GRAP2: variants seen among roughly 807,000 people sequenced by gnomAD.
GRAP2 encodes the protein GRB2-related adapter protein 2.
A neutral mutation model predicts 43.5 loss-of-function variants in GRAP2; 31 were observed. The observed-to-expected ratio is 0.71, with a 90% CI of 0.54 to 0.96. GRAP2 has a LOEUF of 0.96. GRAP2 is among the 40% of genes least tolerant of loss of function. The probability of loss-of-function intolerance (pLI) is 0.00; values close to 1 mark genes in which losing one functional copy is unlikely to be tolerated. For missense variants in GRAP2, 371 were observed against 424.4 expected (o/e 0.87, Z 1.11); for synonymous variants, 156 against 164.8 (o/e 0.95, Z 0.41).
At chr22:39,896,513 G>C (rs1213402448), upstream of GRAP2, among the ~76,000 whole-genome samples, 2 of 152,206 alleles carry the variant, frequency 1.3e-5, no homozygotes, top group East Asian at 3.8e-4. Flanking sequence ...CTGAGCAACA[G>C]GTGGGAGATG....
chr22:39,964,778 A>G (rs1187274223), intron 4 of GRAP2: 2 of 432,490 alleles, frequency 4.6e-6, no homozygotes, highest in East Asian at 3.7e-5. Flanking sequence ...TCACTAAGTC[A>G]TTCCTACCAT....
chr22:39,937,296 T>G (rs950153318), intron 1 of GRAP2, among the ~76,000 whole-genome samples: 8 of 152,308 alleles, frequency 5.3e-5, no homozygotes, highest in African/African-American at 1.9e-4. Flanking sequence ...GAGCTCTGCA[T>G]AGATGGCAAA....
Position 39,903,132 on chromosome 22 carries a change from C to T in GRAP2, c.-15+1802C>T, listed in dbSNP as rs567774580. Among the ~76,000 whole-genome samples, 17 of 152,202 alleles carry T rather than the reference C, an allele frequency of 1.1e-4. 1 individual carries two copies. The highest frequency in any genetic ancestry group is 6.2e-4 in the South Asian group (3 of 4,824). On this transcript the variant is annotated intron_variant, in intron 1 of 7. Transcript: ENST00000344138. ...GGGTCAAGAAAAGTCTGCAATTGTT[C>T]GAAAATGTGTCAGTAAGTGTGATTC...
chr22:39,939,769 C>A (rs772771070), intron 1 of GRAP2, among the ~76,000 whole-genome samples: 2 of 151,870 alleles, frequency 1.3e-5, no homozygotes, highest in Non-Finnish European at 2.9e-5. Flanking sequence ...ATTAGCGGAC[C>A]GTGGTGGGCT....
At chr22:39,908,017 A>C (rs1013673638) in intron 1 of GRAP2, among the ~76,000 whole-genome samples, 4 of 152,188 alleles carry the variant, frequency 2.6e-5, no homozygotes, top group Admixed American at 2.6e-4. Flanking sequence ...TGGAAAGCTG[A>C]ATTCTGGCTC....
chr22:39,906,843 ATAGT>A (rs1265987607), intron 1 of GRAP2, among the ~76,000 whole-genome samples: 1 of 152,198 alleles, frequency 6.6e-6, no homozygotes, highest in East Asian at 1.9e-4. Flanking sequence ...TAATAAGTAG[ATAGT>A]TCTCTTGTTA....
chr22:39,927,870 TG>T (rs1186178402), intron 1 of GRAP2, among the ~76,000 whole-genome samples: 1 of 152,212 alleles, frequency 6.6e-6, no homozygotes, highest in African/African-American at 2.4e-5. Context: ...AGCTGCAAAT[TG>T]CTCTCAGGCC....
At chr22:39,928,963 G>T (rs1470198451) in intron 1 of GRAP2, among the ~76,000 whole-genome samples, 1 of 152,176 alleles carries the variant, frequency 6.6e-6, no homozygotes, top group Non-Finnish European at 1.5e-5. Flanking sequence ...GCATTTAGGT[G>T]GCATTTGGTG....
intron 1 of GRAP2, among the ~76,000 whole-genome samples, chr22:39,902,029 C>T (rs2066496737): frequency 6.6e-6 from 1 of 152,082 alleles, no homozygotes; most frequent in Non-Finnish European, 1.5e-5. Context: ...ACTGTATTGC[C>T]CTGACAGGTA....
intron 3 of GRAP2, among the ~76,000 whole-genome samples, chr22:39,959,161 G>T (rs560897709): frequency 2.3e-4 from 35 of 152,194 alleles, no homozygotes; most frequent in Non-Finnish European, 4.4e-4. Context: ...CACTCATTTT[G>T]CTTGTCTGTG....
intron 1 of GRAP2, among the ~76,000 whole-genome samples, chr22:39,928,208 A>G (rs1377640831): frequency 5.3e-5 from 8 of 152,080 alleles, no homozygotes. Context: ...TGCCAGAAAT[A>G]TTGTTTTTTG....
chr22:39,958,015 T>C (rs1243794172), intron 3 of GRAP2, among the ~76,000 whole-genome samples: 5 of 152,064 alleles, frequency 3.3e-5, no homozygotes, highest in African/African-American at 1.2e-4. Context: ...CCACTCCATC[T>C]CTTCAAAAGG....
rs1459253691 is a variant in GRAP2, at chr22:39,971,859, A to C, written c.*775A>C. Reference sequence around the variant, plus strand: ...CCTCTGTTTCCCCAGCTATGAAGGAAATAGCATCCTACATTCCGTAAAGTG... The same window carrying C: ...CCTCTGTTTCCCCAGCTATGAAGGACATAGCATCCTACATTCCGTAAAGTG... On this transcript the variant is annotated 3_prime_UTR_variant, in exon 8 of 8. Transcript: ENST00000344138. The C allele has an allele frequency of 6.6e-6, 1 of 152,246 alleles. No individual in the cohort carries two copies. Among genetic ancestry groups the C allele is most frequent in the Non-Finnish European group, 1.5e-5 (1 of 68,050 alleles). The allele number at this position is 152,246 out of a possible 1,614,324, so 9.4% of individuals were successfully genotyped here.
chr22:39,931,052 T>TC (rs1218972011), intron 1 of GRAP2, among the ~76,000 whole-genome samples: 1 of 152,218 alleles, frequency 6.6e-6, no homozygotes, highest in Non-Finnish European at 1.5e-5. Flanking sequence ...GACTTGTTTT[T>TC]CCTACAAGAC....
chr22:39,926,684 C>G, intron 1 of GRAP2: 1 of 985,046 alleles, frequency 1.0e-6, no homozygotes, highest in Non-Finnish European at 1.2e-6. Flanking sequence ...AAATTCGTTG[C>G]CATGCATGAG....
At chr22:39,970,356 C>T (rs1439710878) in intron 7 of GRAP2, among the ~76,000 whole-genome samples, 1 of 152,178 alleles carries the variant, frequency 6.6e-6, no homozygotes, top group Non-Finnish European at 1.5e-5. Context: ...GCTGGGATTA[C>T]AGGCATGAGC....
At chr22:39,916,580 C>G (rs2066604349) in intron 1 of GRAP2, among the ~76,000 whole-genome samples, 1 of 152,190 alleles carries the variant, frequency 6.6e-6, no homozygotes, top group Non-Finnish European at 1.5e-5. Context: ...TTCATTATAA[C>G]TTGATTTTCT....
At chr22:39,942,032 T>C (rs1302867172) in intron 1 of GRAP2, among the ~76,000 whole-genome samples, 1 of 152,150 alleles carries the variant, frequency 6.6e-6, no homozygotes, top group Non-Finnish European at 1.5e-5. Flanking sequence ...AATTAAAAGG[T>C]AGTTATTTGC....
chr22:39,934,660 C>A (rs1010992149), intron 1 of GRAP2, among the ~76,000 whole-genome samples: 1 of 152,098 alleles, frequency 6.6e-6, no homozygotes, highest in Admixed American at 6.5e-5. Flanking sequence ...CCAGCTTGAC[C>A]ATCTTCATGT....
Sources: allele counts gnomAD v4.1 joint callset (sites outside exome capture counted in the v4.1 genomes callset), GRCh38; gene constraint gnomAD v4.1.1; transcripts MANE v1.5; gene names NCBI Gene and HGNC (gene_info 2026-07-23, HGNC 2026-07-21).